Variants in MYH14 observed in about 807,000 individuals in gnomAD.
MYH14 encodes myosin-14.
Under a neutral mutation model 255.5 loss-of-function variants are expected in MYH14, and 123 were observed. The observed-to-expected ratio is 0.48, with a 90% CI of 0.42 to 0.56. The LOEUF (loss-of-function observed/expected upper bound fraction) is 0.56. Among genes scored for constraint, MYH14 ranks in the 20% least tolerant of loss-of-function variants. The probability of loss-of-function intolerance (pLI) is 0.00; values close to 1 mark genes in which losing one functional copy is unlikely to be tolerated. For synonymous variants in MYH14, 1,095 were observed against 1,161.2 expected (o/e 0.94, Z 1.16); for missense variants, 2,423 against 2,802.3 (o/e 0.86, Z 3.06).
At chr19:50,260,624 C>G (rs781068721) in intron 19 of MYH14, 22 bp from the exon 20 acceptor site, 2 of 1,593,656 alleles carry the variant, frequency 1.3e-6, no homozygotes, top group Non-Finnish European at 1.7e-6. Context: ...CTCTCCTCCC[C>G]ACCCCTCCCT....
At chr19:50,231,868 T>C (rs2033408866) in intron 9 of MYH14, 62 bp from the exon 10 acceptor site, 5 of 1,601,928 alleles carry the variant, frequency 3.1e-6, no homozygotes, top group Non-Finnish European at 4.3e-6. Context: ...CACCGATGAA[T>C]CCAGGATGAG....
Position 50,261,534 on chromosome 19 carries a change from C to A in MYH14, c.2484C>A (p.Phe828Leu). 1.3e-6 allele frequency: 2 copies of A among 1,588,024 alleles called. No homozygotes were observed. Among genetic ancestry groups the A allele is most frequent in the Non-Finnish European group, 1.7e-6 (2 of 1,170,028 alleles). Reference protein sequence around the residue: ...LYRVGQSKIFFRAGVLAQLEE... With the variant: ...LYRVGQSKIFLRAGVLAQLEE... ...GCGTGGGACAGAGCAAGATCTTCTT[C>A]CGGGCTGGGGTCCTGGCCCAGCTGG... The change falls in exon 21 of 43, where the codon TTC becomes TTA. Residue 828 changes from phenylalanine to leucine, a missense_variant. Around this residue, in one of 3 missense-constraint regions of MYH14, gnomAD observed 1,513 missense variants for 1,674.8 expected, o/e 0.90. Coordinates refer to ENST00000642316, the MANE Select transcript of MYH14 (RefSeq NM_001145809.2).
At position 50,309,213 on chromosome 19, in the gene MYH14, G is replaced by C. The variant is rs576378479; in HGVS notation, c.5960+36G>C. Reference sequence around the variant, plus strand: ...CCCACGTACAGGCCTGACGGGTGGGGAGCACCCTAACTCCATAAACCCCAG... The same window carrying C: ...CCCACGTACAGGCCTGACGGGTGGGCAGCACCCTAACTCCATAAACCCCAG... On this transcript the variant is annotated intron_variant, in intron 42 of 42. Transcript: ENST00000642316. The C allele has an allele frequency of 6.3e-6, 10 of 1,598,816 alleles. No individual in the cohort carries two copies. In the East Asian group the frequency reaches 2.2e-4, roughly 36 times the overall value.
chr19:50,217,937 G>T (rs1024540809), intron 3 of MYH14, among the ~76,000 whole-genome samples, 166 bp downstream of exon 3: 1 of 152,158 alleles, frequency 6.6e-6, no homozygotes, highest in Admixed American at 6.5e-5. Context: ...GAGTGGGTGA[G>T]GTGCTAGGTC....
intron 23 of MYH14, among the ~76,000 whole-genome samples, chr19:50,267,706 T>C (rs2035141599): frequency 6.6e-6 from 1 of 152,120 alleles, no homozygotes. Flanking sequence ...TTATTTCCTG[T>C]GGTTACATTT....
In MYH14 at chr19:50,293,370, T is replaced by G. The variant is rs1601044171; in HGVS notation, c.5345+49T>G. The G allele has an allele frequency of 6.5e-7, 1 of 1,546,766 alleles. No homozygotes were observed. Among genetic ancestry groups the G allele is most frequent in the Non-Finnish European group, 8.8e-7 (1 of 1,136,492 alleles). On this transcript the variant is annotated intron_variant, in intron 38 of 42. Coordinates refer to ENST00000642316, the MANE Select transcript of MYH14 (RefSeq NM_001145809.2). The surrounding 1 kb of genome is among the most constrained non-coding windows in gnomAD (Gnocchi z 4.1). ...GCTGAGGTACTGCGTCTGCAGGAGG[T>G]GAAGCTGGGGTAGGCTGGAGGTGGC...
intron 35 of MYH14, among the ~76,000 whole-genome samples, chr19:50,290,608 G>A (rs1393813959): frequency 3.3e-5 from 5 of 152,292 alleles, no homozygotes; most frequent in Admixed American, 3.3e-4. Flanking sequence ...GGGGGCACTG[G>A]GGAACCATGG....
rs372518951 is a variant in MYH14 at position 50,280,394 on chromosome 19, C to G, written c.4290+11C>G. ...ACTGCCCAGGCCCAGGTGAGCAGCC[C>G]TACGTAAGACCTTCAGGGAGGCACA... On this transcript the variant is annotated intron_variant, in intron 32 of 42. Coordinates refer to ENST00000642316, the MANE Select transcript of MYH14 (RefSeq NM_001145809.2). The surrounding 1 kb of genome is among the most constrained non-coding windows in gnomAD (Gnocchi z 4.8). 8 of 1,518,606 alleles carry G rather than the reference C, an allele frequency of 5.3e-6. No individual in the cohort carries two copies. The African/African-American group carries it at 1.1e-4, about 21-fold the overall frequency. The allele number at this position is 1,518,606 out of a possible 1,614,324, so 94.1% of individuals were successfully genotyped here. A position where few individuals can be genotyped will look rare whatever the true frequency, so the allele number is the denominator to read the frequency against.
At chr19:50,255,142 C>G in intron 16 of MYH14, 78 bp from the exon 17 acceptor site, 1 of 927,904 alleles carries the variant, frequency 1.1e-6, no homozygotes. Context: ...TCTCCTTCCC[C>G]TCTTTTCATG....
rs1245148335 is a variant in MYH14 at position 50,272,630 on chromosome 19, C to A, written c.3366C>A (p.Ser1122Arg). The A allele has an allele frequency of 1.3e-6, 2 of 1,574,884 alleles. No homozygotes were observed. The highest frequency in any genetic ancestry group is 2.3e-5 in the East Asian group (1 of 43,254). ...TGAAGCGGAGGCTGGATGGGGAGAGCTCAGAGCTGCAGGAGCAGATGGTGG... is the reference window on the plus strand; with the variant it reads ...TGAAGCGGAGGCTGGATGGGGAGAGATCAGAGCTGCAGGAGCAGATGGTGG... ...EKLKRRLDGE[S>R]SELQEQMVEQ... The change falls in exon 27 of 43, where the codon AGC (serine) becomes AGA (arginine). Residue 1122 changes from serine (S) to arginine (R), a missense_variant. This residue lies in a region of MYH14 where 1,513 missense variants were observed against 1,674.8 expected (regional missense o/e 0.90). Coordinates refer to ENST00000642316, the MANE Select transcript of MYH14 (RefSeq NM_001145809.2).
At chr19:50,302,481 G>A (rs1049653192) in intron 40 of MYH14, among the ~76,000 whole-genome samples, 4 of 152,102 alleles carry the variant, frequency 2.6e-5, no homozygotes, top group Admixed American at 2.6e-4. Flanking sequence ...TACTGGGGAG[G>A]CTGAGGCAGG....
At chr19:50,260,581 G>A (rs929012285) in intron 19 of MYH14, 65 bp from the exon 20 acceptor site, 11 of 1,161,354 alleles carry the variant, frequency 9.5e-6, no homozygotes, top group Admixed American at 9.3e-5. Context: ...TGCCTGGCCC[G>A]CAGCAGGCAC....
At position 50,230,679 on chromosome 19, in the gene MYH14, C is replaced by T; in HGVS notation, c.973+56C>T. 3.4e-6 allele frequency: 5 copies of T among 1,481,318 alleles called. No individual in the cohort carries two copies. The highest frequency in any genetic ancestry group is 4.6e-6 in the Non-Finnish European group (5 of 1,088,734). 91.8% of individuals were successfully genotyped at this position (1,481,318 alleles called of 1,614,324 possible). Reference sequence around the variant, plus strand: ...CCGGGAGAGGGTGGGCACCATGTCTCTCGGGGGCCCCTTCTGGGGAGGAAG... The same window carrying T: ...CCGGGAGAGGGTGGGCACCATGTCTTTCGGGGGCCCCTTCTGGGGAGGAAG... On this transcript the variant is annotated intron_variant, in intron 9 of 42. Coordinates refer to ENST00000642316, the MANE Select transcript of MYH14 (RefSeq NM_001145809.2). The surrounding 1 kb of genome is among the most constrained non-coding windows in gnomAD (Gnocchi z 4.7).
At chr19:50,246,900 G>A (rs779879246) in intron 11 of MYH14, 104 bp from the exon 12 acceptor site, 107 of 757,774 alleles carry the variant, frequency 1.4e-4, no homozygotes, top group African/African-American at 2.2e-4. Flanking sequence ...GGCGGGGCCC[G>A]TCTTCTGCTC....
At chr19:50,274,052 T>G (rs542972877) in intron 27 of MYH14, among the ~76,000 whole-genome samples, 39 of 152,272 alleles carry the variant, frequency 2.6e-4, no homozygotes, top group African/African-American at 9.1e-4. Context: ...AATGGGGTAA[T>G]TGTAGACAGT....
At chr19:50,305,079 G>A (rs2036611437) in intron 40 of MYH14, among the ~76,000 whole-genome samples, 1 of 152,140 alleles carries the variant, frequency 6.6e-6, no homozygotes, top group African/African-American at 2.4e-5. Context: ...GCAGTGGGGA[G>A]CCCTGGGGGC....
At chr19:50,262,898 A>T (rs1179626203) in intron 21 of MYH14, among the ~76,000 whole-genome samples, 2 of 152,100 alleles carry the variant, frequency 1.3e-5, no homozygotes, top group Admixed American at 6.6e-5. Flanking sequence ...ATGGCTGACT[A>T]AGTGAAAGGA....
intron 15 of MYH14, among the ~76,000 whole-genome samples, chr19:50,251,398 T>A (rs2034364231): frequency 6.6e-6 from 1 of 151,992 alleles, no homozygotes; most frequent in Admixed American, 6.6e-5. Flanking sequence ...GAGGGCTCTC[T>A]TGCCCCCAGA....
intron 24 of MYH14, among the ~76,000 whole-genome samples, chr19:50,269,425 G>A (rs1404024122): frequency 6.6e-6 from 1 of 152,050 alleles, no homozygotes; most frequent in African/African-American, 2.4e-5. Context: ...CAGGTGATCC[G>A]CCCACCTCAG....
Sources: gnomAD v4.1 joint callset for allele counts (sites outside exome capture counted in the v4.1 genomes callset) on GRCh38, gnomAD v4.1.1 for gene constraint, gnomAD v4.1.1 regional missense constraint, Gnocchi (gnomAD v3.1) non-coding constraint, MANE v1.5 for transcripts, NCBI Gene and HGNC (gene_info 2026-07-23, HGNC 2026-07-21) for gene names.